ARHGEF18: variants seen among roughly 807,000 people sequenced by gnomAD.
The protein encoded by ARHGEF18 is rho guanine nucleotide exchange factor 18.
Under a neutral mutation model 155.7 loss-of-function variants are expected in ARHGEF18, and 93 were observed. The ratio of observed to expected loss-of-function variants is 0.60; its 90% CI spans 0.50 to 0.71. ARHGEF18 has a LOEUF of 0.71. ARHGEF18 is among the 30% of genes least tolerant of loss of function. The pLI is 0.00. For synonymous variants in ARHGEF18, 742 were observed against 753.1 expected, an observed-to-expected ratio of 0.99 and a Z score of 0.24; for missense variants, 1,593 against 1,816.1, an observed-to-expected ratio of 0.88 and a Z score of 2.23.
At chr19:7,411,035 A>G (rs528997064) in intron 10 of ARHGEF18, among the ~76,000 whole-genome samples, 6 of 152,042 alleles carry the variant, frequency 3.9e-5, no homozygotes, top group Admixed American at 2.6e-4. Flanking sequence ...TGCAATATCT[A>G]TAGGTGATAT....
intron 10 of ARHGEF18, among the ~76,000 whole-genome samples, chr19:7,412,842 G>A (rs915916040): frequency 2.6e-5 from 4 of 152,032 alleles, no homozygotes; most frequent in East Asian, 1.9e-4. Flanking sequence ...GATGTTGAGC[G>A]TCTTTTCATG....
At chr19:7,473,984 A>G (rs1405490954), downstream of ARHGEF18, among the ~76,000 whole-genome samples, 2 of 151,384 alleles carry the variant, frequency 1.3e-5, no homozygotes, top group Admixed American at 6.6e-5. Flanking sequence ...CCCTGTCTAT[A>G]AGAGCTTAAA....
chr19:7,352,832 CTTTTTTT>C (rs587602037), intron 1 of ARHGEF18, among the ~76,000 whole-genome samples: 4 of 49,884 alleles, frequency 8.0e-5, no homozygotes, highest in South Asian at 1.3e-3. Context: ...CGTGCCTGGC[CTTTTTTT>C]TTTTTTTTTT....
At chr19:7,367,816 T>TATATATATACAC (rs1555699328) in intron 2 of ARHGEF18, among the ~76,000 whole-genome samples, 59 of 113,522 alleles carry the variant, frequency 5.2e-4, no homozygotes, top group African/African-American at 2.2e-3. Context: ...ATATATATTT[T>TATATATATACAC]ATATATATAT....
At chr19:7,478,446 C>T in the ARHGEF18 span, 2 of 1,496,602 alleles carry the variant, frequency 1.3e-6, no homozygotes, top group African/African-American at 1.4e-5. Context: ...AACGCTGGCC[C>T]CGGACATACA....
At chr19:7,435,064 T>C (rs1039551348) in intron 10 of ARHGEF18, among the ~76,000 whole-genome samples, 20 of 152,094 alleles carry the variant, frequency 1.3e-4, no homozygotes, top group Non-Finnish European at 2.5e-4. Flanking sequence ...TAGCTGGGCG[T>C]GGTGGCAGGC....
At chr19:7,461,892 T>C (rs1976288476) in intron 20 of ARHGEF18, among the ~76,000 whole-genome samples, 1 of 151,752 alleles carries the variant, frequency 6.6e-6, no homozygotes, top group Non-Finnish European at 1.5e-5. Flanking sequence ...GCCGCAAGAG[T>C]CCTCCTACCT....
chr19:7,476,439 G>A (rs929943057), downstream of ARHGEF18, among the ~76,000 whole-genome samples: 1 of 152,256 alleles, frequency 6.6e-6, no homozygotes, highest in Non-Finnish European at 1.5e-5. Flanking sequence ...CACAGACTCT[G>A]AAGGGTTGTT....
Position 7,411,514 on chromosome 19 carries a change from C to A in ARHGEF18, c.967+28311C>A, listed in dbSNP as rs534707315. Among the ~76,000 whole-genome samples, 7 of 152,272 alleles carry A rather than the reference C, an allele frequency of 4.6e-5. No individual in the cohort carries two copies. In the South Asian group the frequency reaches 1.2e-3, roughly 27 times the overall value. ...TAGACACAGGCTTTCACCATGTTGG[C>A]CAGGCTGGTCTTGAACTCCTGACCT... On this transcript the variant is annotated intron_variant, in intron 10 of 28. Coordinates refer to ENST00000668164, the MANE Select transcript of ARHGEF18 (RefSeq NM_001367823.1).
At chr19:7,479,977 G>C in the ARHGEF18 span, among the ~76,000 whole-genome samples, 1 of 152,206 alleles carries the variant, frequency 6.6e-6, no homozygotes, top group South Asian at 2.1e-4. Context: ...AAAAAATAAA[G>C]TCTGGGCCGG....
At chr19:7,473,594 G>A (rs975870186), downstream of ARHGEF18, among the ~76,000 whole-genome samples, 7 of 151,756 alleles carry the variant, frequency 4.6e-5, no homozygotes, top group East Asian at 7.8e-4. Context: ...GGCAGATTAC[G>A]AGGTCAGGAG....
chr19:7,360,499 G>A (rs994930918), intron 1 of ARHGEF18, among the ~76,000 whole-genome samples: 1 of 152,186 alleles, frequency 6.6e-6, no homozygotes, highest in African/African-American at 2.4e-5. Flanking sequence ...GCCTCCCAAA[G>A]TGCTGGGATT....
the ARHGEF18 span, chr19:7,478,310 C>G: frequency 6.2e-7 from 1 of 1,610,588 alleles, no homozygotes; most frequent in South Asian, 1.1e-5. Context: ...TCACGGGCTC[C>G]TACCTGGTGA....
intron 2 of ARHGEF18, among the ~76,000 whole-genome samples, chr19:7,369,117 C>G (rs1010739560): frequency 2.0e-5 from 3 of 151,868 alleles, no homozygotes; most frequent in Non-Finnish European, 2.9e-5. Flanking sequence ...ATCATGAGGT[C>G]AGGAGTTCAA....
At chr19:7,366,027 C>A (rs912165604) in intron 2 of ARHGEF18, among the ~76,000 whole-genome samples, 1 of 152,176 alleles carries the variant, frequency 6.6e-6, no homozygotes, top group Non-Finnish European at 1.5e-5. Context: ...CTCACTGCAA[C>A]CTCCACCTCC....
At chr19:7,360,122 C>A (rs900649344) in intron 1 of ARHGEF18, among the ~76,000 whole-genome samples, 6 of 152,104 alleles carry the variant, frequency 3.9e-5, no homozygotes, top group Middle Eastern at 3.2e-3. Flanking sequence ...ACCACTCCAG[C>A]CTGGGTGACA....
chr19:7,457,754 A>G (rs759701463), intron 18 of ARHGEF18, among the ~76,000 whole-genome samples: 1 of 152,066 alleles, frequency 6.6e-6, no homozygotes, highest in Non-Finnish European at 1.5e-5. Flanking sequence ...TGGGGAACAC[A>G]GTGTAGCCCA....
chr19:7,455,839 A>G lies in ARHGEF18; in HGVS notation c.2105-488A>G, dbSNP rs1311245862. 2.6e-5 allele frequency among the ~76,000 whole-genome samples: 4 copies of G among 152,190 alleles called. No individual in the cohort carries two copies. In the East Asian group the frequency reaches 7.7e-4, roughly 29 times the overall value. On this transcript the variant is annotated intron_variant, in intron 17 of 28. Coordinates refer to ENST00000668164, the MANE Select transcript of ARHGEF18 (RefSeq NM_001367823.1). ...AAAGAGAGAGGGAGCTTGTGCAGGG[A>G]AACTCCCCCTTATAAAACTGTCAGA...
chr19:7,474,786 T>TC (rs899726089), downstream of ARHGEF18, among the ~76,000 whole-genome samples: 1 of 151,636 alleles, frequency 6.6e-6, no homozygotes, highest in Non-Finnish European at 1.5e-5. Flanking sequence ...TGTGTGTGTC[T>TC]CCCCCCACCC....
Sources: gnomAD v4.1 joint callset for allele counts (sites outside exome capture counted in the v4.1 genomes callset) on GRCh38, gnomAD v4.1.1 for gene constraint, MANE v1.5 for transcripts, NCBI Gene and HGNC (gene_info 2026-07-23, HGNC 2026-07-21) for gene names.